Variants in DPP6 observed in about 807,000 individuals in gnomAD.
The protein encoded by DPP6 is A-type potassium channel modulatory protein DPP6.
Under a neutral mutation model 122.6 loss-of-function variants are expected in DPP6, and 69 were observed. That is an observed-to-expected ratio of 0.56 (90% CI 0.46 to 0.69). The LOEUF (loss-of-function observed/expected upper bound fraction) is 0.69, where lower values mean the gene tolerates loss of function less well. Ranked by LOEUF, DPP6 falls within the 30% of genes least tolerant of loss-of-function variation. DPP6 has a pLI of 0.00. For missense variants in DPP6, 928 were observed against 1,116.9 expected (o/e 0.83, Z 2.41); for synonymous variants, 418 against 433.1 (o/e 0.97, Z 0.43).
At chr7:153,789,953 G>A in the DPP6 span, among the ~76,000 whole-genome samples, 1 of 152,006 alleles carries the variant, frequency 6.6e-6, no homozygotes, top group African/African-American at 2.4e-5. Flanking sequence ...GAGAATTTGG[G>A]TTGACCTCTA....
At chr7:154,788,000 C>A (rs1797443647) in intron 10 of DPP6, among the ~76,000 whole-genome samples, 1 of 152,150 alleles carries the variant, frequency 6.6e-6, no homozygotes, top group African/African-American at 2.4e-5. Flanking sequence ...ATTTTTATCA[C>A]TTAATTTGAA....
intron 1 of DPP6, among the ~76,000 whole-genome samples, chr7:153,940,830 G>A (rs912019037): frequency 6.6e-6 from 1 of 152,162 alleles, no homozygotes; most frequent in Non-Finnish European, 1.5e-5. Flanking sequence ...AATAAAAGCG[G>A]TGTGTTCGCC....
At chr7:153,753,160 CTT>C in the DPP6 span, among the ~76,000 whole-genome samples, 3 of 150,544 alleles carry the variant, frequency 2.0e-5, no homozygotes, top group East Asian at 4.0e-4. Flanking sequence ...ATCTCCTTAT[CTT>C]TGATTTTCCA....
At chr7:154,324,187 G>T (rs1164921464) in intron 1 of DPP6, among the ~76,000 whole-genome samples, 1 of 152,200 alleles carries the variant, frequency 6.6e-6, no homozygotes, top group East Asian at 1.9e-4. Context: ...ACAGTAACTT[G>T]CCTAGTACTT....
At chr7:154,066,845 A>G (rs1457081855) in intron 1 of DPP6, among the ~76,000 whole-genome samples, 1 of 152,154 alleles carries the variant, frequency 6.6e-6, no homozygotes, top group African/African-American at 2.4e-5. Context: ...CAGGCATGTG[A>G]GCAAATAAAT....
intron 18 of DPP6, among the ~76,000 whole-genome samples, chr7:154,869,436 G>C (rs1314511564): frequency 6.6e-6 from 1 of 152,248 alleles, no homozygotes; most frequent in African/African-American, 2.4e-5. Flanking sequence ...CATGAGACTG[G>C]GCTGGGGACA....
chr7:154,677,738 G>C (rs931217358), intron 7 of DPP6, among the ~76,000 whole-genome samples: 1 of 152,230 alleles, frequency 6.6e-6, no homozygotes, highest in African/African-American at 2.4e-5. Flanking sequence ...CAGAGCCAGC[G>C]TGAGGGCAGG....
chr7:154,292,002 A>T (rs567424021), intron 1 of DPP6, among the ~76,000 whole-genome samples: 1 of 152,284 alleles, frequency 6.6e-6, no homozygotes, highest in South Asian at 2.1e-4. Context: ...GGGACGTCTG[A>T]AAGCAGATGA....
At chr7:154,841,935 C>T (rs1001197788) in intron 16 of DPP6, among the ~76,000 whole-genome samples, 54 of 152,136 alleles carry the variant, frequency 3.5e-4, no homozygotes, top group African/African-American at 1.3e-3. Context: ...GTTTCCAAAT[C>T]AAACGGCAAC....
Position 154,061,484 on chromosome 7 carries a change from G to T in DPP6, c.243+8421G>T, listed in dbSNP as rs1801871221. 2.0e-5 allele frequency among the ~76,000 whole-genome samples: 3 copies of T among 147,208 alleles called. No homozygotes were observed. The South Asian group carries it at 6.6e-4, about 32-fold the overall frequency. ...GATGGCCCCCCTATTAGAGGGCCTTGGCAGCAACTGCCCTGCTAGTACAAG... is the reference window on the plus strand; with the variant it reads ...GATGGCCCCCCTATTAGAGGGCCTTTGCAGCAACTGCCCTGCTAGTACAAG... On this transcript the variant is annotated intron_variant, in intron 1 of 25. Coordinates refer to ENST00000377770, the MANE Select transcript of DPP6 (RefSeq NM_130797.4).
intron 18 of DPP6, among the ~76,000 whole-genome samples, chr7:154,870,146 CT>C (rs61457825): frequency 0.36 from 43,694 of 121,332 alleles, 7,593 homozygotes; most frequent in African/African-American, 0.43. Flanking sequence ...CCAACTAATT[CT>C]TTTTTTTTTT....
In DPP6 at chr7:154,755,527, A is replaced by T. The variant is rs1231486919; in HGVS notation, c.884-13890A>T. Among the ~76,000 whole-genome samples, 2 of 152,118 alleles carry T rather than the reference A, an allele frequency of 1.3e-5. No individual in the cohort carries two copies. Among genetic ancestry groups the T allele is most frequent in the African/African-American group, 4.8e-5 (2 of 41,428 alleles). ...AAAAATAAAGATAATAATAGTGTCT[A>T]CCTGGAGTGATTGCGTTGAGGATTA... On this transcript the variant is annotated intron_variant, in intron 8 of 25. Coordinates refer to ENST00000377770, the MANE Select transcript of DPP6 (RefSeq NM_130797.4). The surrounding 1 kb of genome is among the most constrained non-coding windows in gnomAD (Gnocchi z 4.7).
chr7:154,882,570 T>C (rs1584973031), intron 21 of DPP6, among the ~76,000 whole-genome samples: 1 of 152,110 alleles, frequency 6.6e-6, no homozygotes, highest in African/African-American at 2.4e-5. Flanking sequence ...TCGCAGGACC[T>C]GGGACACAGA....
intron 5 of DPP6, among the ~76,000 whole-genome samples, chr7:154,614,342 C>A (rs1033370914): frequency 1.3e-5 from 2 of 152,056 alleles, no homozygotes; most frequent in Non-Finnish European, 2.9e-5. Context: ...ATGGAATTAG[C>A]CTAGGTTTTT....
At chr7:154,499,781 C>G (rs1825070807) in intron 3 of DPP6, among the ~76,000 whole-genome samples, 1 of 152,052 alleles carries the variant, frequency 6.6e-6, no homozygotes, top group African/African-American at 2.4e-5. Flanking sequence ...CTATATCATT[C>G]CATCTACAGA....
intron 1 of DPP6, among the ~76,000 whole-genome samples, chr7:153,975,386 A>G (rs1222698851): frequency 2.1e-5 from 3 of 143,982 alleles, no homozygotes; most frequent in Admixed American, 7.2e-5. Context: ...AAGATTTTCT[A>G]GACTCTCTAT....
chr7:154,406,475 G>A (rs547025801), intron 1 of DPP6, among the ~76,000 whole-genome samples: 14 of 147,262 alleles, frequency 9.5e-5, no homozygotes, highest in South Asian at 8.5e-4. Flanking sequence ...ACACGCACAC[G>A]CATACACACA....
chr7:153,863,522 T>G, the DPP6 span, among the ~76,000 whole-genome samples: 4 of 152,306 alleles, frequency 2.6e-5, no homozygotes, highest in South Asian at 8.3e-4. Flanking sequence ...TTTCACTCAT[T>G]CAAAATGTAT....
intron 17 of DPP6, among the ~76,000 whole-genome samples, chr7:154,857,237 G>A (rs891353835): frequency 6.6e-6 from 1 of 152,168 alleles, no homozygotes; most frequent in African/African-American, 2.4e-5. Flanking sequence ...AGGACAGTAG[G>A]GGTCCCATCT....
Sources: gnomAD v4.1 joint callset for allele counts (sites outside exome capture counted in the v4.1 genomes callset) on GRCh38, gnomAD v4.1.1 for gene constraint, Gnocchi (gnomAD v3.1) non-coding constraint, MANE v1.5 for transcripts, NCBI Gene and HGNC (gene_info 2026-07-23, HGNC 2026-07-21) for gene names.